The following HMGA2 variants were observed in gnomAD, a reference collection of about 807,000 sequenced individuals.
HMGA2 encodes high mobility group AT-hook 2.
In HMGA2, 8 loss-of-function variants were observed where a neutral mutation model predicts 19.1. The ratio of observed to expected loss-of-function variants is 0.42; its 90% CI spans 0.25 to 0.76. The LOEUF is 0.76. HMGA2 is among the 30% of genes least tolerant of loss of function. The pLI is 0.28. For missense variants in HMGA2, 109 were observed against 136.3 expected, an observed-to-expected ratio of 0.80 and a Z score of 1.00; for synonymous variants, 60 against 48.8, an observed-to-expected ratio of 1.23 and a Z score of -0.96.
At chr12:65,941,737 G>A (rs954843470) in intron 3 of HMGA2, among the ~76,000 whole-genome samples, 14 of 152,284 alleles carry the variant, frequency 9.2e-5, no homozygotes, top group African/African-American at 1.4e-4. Context: ...GGAAATACTT[G>A]ATAGTCAAAT....
intron 3 of HMGA2, among the ~76,000 whole-genome samples, chr12:65,851,100 T>C (rs1871441729): frequency 6.6e-6 from 1 of 152,238 alleles, no homozygotes; most frequent in Admixed American, 6.5e-5. Flanking sequence ...CCTTATCACT[T>C]ACTAACCTTA....
rs1876799852 is a variant in HMGA2, at chr12:65,963,119, C to A, written c.283-126C>A. The A allele has an allele frequency of 1.5e-5, 12 of 820,806 alleles. No individual in the cohort carries two copies. The South Asian group carries it at 1.9e-4, about 13-fold the overall frequency. 50.8% of individuals were successfully genotyped at this position (820,806 alleles called of 1,614,324 possible). A position where few individuals can be genotyped will look rare whatever the true frequency, so the allele number is the denominator to read the frequency against. On this transcript the variant is annotated intron_variant, in intron 4 of 4. Coordinates refer to ENST00000403681, the MANE Select transcript of HMGA2 (RefSeq NM_003483.6). The stretch of plus-strand genomic sequence containing the variant: ...GCCCTGGGAATGAGGGCTCGCCAGT[C>A]ATCGTCATCCTCTTTTGAGGCAAGC...
chr12:65,842,787 G>T, intron 3 of HMGA2: 1 of 1,368,770 alleles, frequency 7.3e-7, no homozygotes, highest in Non-Finnish European at 9.4e-7. Context: ...TTAATTATTT[G>T]CATTTTTCTA....
chr12:65,930,356 G>C (rs917092484), intron 3 of HMGA2, among the ~76,000 whole-genome samples: 12 of 152,118 alleles, frequency 7.9e-5, no homozygotes, highest in Non-Finnish European at 1.3e-4. Context: ...ATTTACAAAA[G>C]ATTGAAAAAT....
At chr12:65,921,778 C>T (rs1875323423) in intron 3 of HMGA2, among the ~76,000 whole-genome samples, 1 of 152,150 alleles carries the variant, frequency 6.6e-6, no homozygotes, top group Non-Finnish European at 1.5e-5. Context: ...CCTGGAGATC[C>T]AGGAGAAAAA....
intron 3 of HMGA2, among the ~76,000 whole-genome samples, chr12:65,917,194 A>AG (rs970058061): frequency 1.3e-5 from 2 of 151,920 alleles, no homozygotes; most frequent in Non-Finnish European, 2.9e-5. Flanking sequence ...GCATGGAGGG[A>AG]GGGGGAGAAG....
intron 3 of HMGA2, among the ~76,000 whole-genome samples, chr12:65,935,954 C>T (rs533651949): frequency 1.3e-5 from 2 of 152,088 alleles, no homozygotes; most frequent in African/African-American, 4.8e-5. Flanking sequence ...GTGCTTAAGG[C>T]ACTGCATTCT....
chr12:65,915,425 G>A, intron 3 of HMGA2: 1 of 1,269,238 alleles, frequency 7.9e-7, no homozygotes, highest in South Asian at 1.6e-5. Context: ...AGTAGAGGGT[G>A]GGCTGAACTC....
intron 3 of HMGA2, among the ~76,000 whole-genome samples, chr12:65,845,357 C>T (rs146918974): frequency 7.8e-4 from 119 of 152,218 alleles, no homozygotes; most frequent in Non-Finnish European, 1.5e-3. Flanking sequence ...CAGTTTCTGC[C>T]TCCCGGGTTC....
At chr12:65,933,699 T>G (rs554759027) in intron 3 of HMGA2, among the ~76,000 whole-genome samples, 1 of 152,194 alleles carries the variant, frequency 6.6e-6, no homozygotes, top group South Asian at 2.1e-4. Context: ...TAAAAGATAG[T>G]GGGAGGTATC....
chr12:65,906,515 A>T (rs1291968959), intron 3 of HMGA2, among the ~76,000 whole-genome samples: 2 of 152,192 alleles, frequency 1.3e-5, no homozygotes, highest in African/African-American at 4.8e-5. Flanking sequence ...AGCTAAGCAC[A>T]AGTGTCTTGC....
intron 3 of HMGA2, among the ~76,000 whole-genome samples, chr12:65,905,014 C>G (rs1874527701): frequency 6.6e-6 from 1 of 151,930 alleles, no homozygotes; most frequent in Non-Finnish European, 1.5e-5. Context: ...TGCACTCCAG[C>G]CTGGACAACA....
chr12:65,902,566 TG>T lies in HMGA2; in HGVS notation c.250-48813del. Among the ~76,000 whole-genome samples, 3 of 152,258 alleles carry T rather than the reference TG, an allele frequency of 2.0e-5. 1 individual carries two copies. In the Middle Eastern group the frequency reaches 0.01, roughly 518 times the overall value. ...TAAATTACTGGACACACACTGAGCCTGGGGAAATGCTTTCATCAAGTGTGAG... is the reference window on the plus strand; with the variant it reads ...TAAATTACTGGACACACACTGAGCCTGGGAAATGCTTTCATCAAGTGTGAG... On this transcript the variant is annotated intron_variant, in intron 3 of 4. Transcript: ENST00000403681.
In HMGA2 at chr12:65,965,953, C is replaced by T. The variant is rs1876895989; in HGVS notation, c.*2661C>T. ...ATAAATTTTATAGGACTGTTCTTTG[C>T]TGTTGTTGGTCGCAGCTACATAAGA... is the stretch of plus-strand genomic sequence containing the variant. On this transcript the variant is annotated 3_prime_UTR_variant, in exon 5 of 5. Transcript: ENST00000403681. The T allele has an allele frequency of 4.6e-6, 1 of 218,846 alleles. No individual in the cohort carries two copies. The highest frequency in any genetic ancestry group is 6.7e-5 in the East Asian group (1 of 14,980). 13.6% of individuals were successfully genotyped at this position (218,846 alleles called of 1,614,324 possible).
At chr12:65,842,610 C>A (rs561924993) in intron 3 of HMGA2, 16 of 1,535,352 alleles carry the variant, frequency 1.0e-5, no homozygotes, top group Admixed American at 3.9e-5. Context: ...TACATTGCAG[C>A]TTAGAAGCCT....
At chr12:65,868,437 A>C (rs1302510344) in intron 3 of HMGA2, among the ~76,000 whole-genome samples, 1 of 151,956 alleles carries the variant, frequency 6.6e-6, no homozygotes, top group Non-Finnish European at 1.5e-5. Flanking sequence ...ATCATCCCGG[A>C]TGCAGTCCAC....
At chr12:65,861,124 T>C (rs555578986) in intron 3 of HMGA2, among the ~76,000 whole-genome samples, 4 of 152,294 alleles carry the variant, frequency 2.6e-5, no homozygotes, top group Non-Finnish European at 5.9e-5. Flanking sequence ...TCCCAGCACT[T>C]TGAGAGGCCA....
At chr12:65,877,411 A>C (rs917126515) in intron 3 of HMGA2, among the ~76,000 whole-genome samples, 2 of 152,112 alleles carry the variant, frequency 1.3e-5, no homozygotes, top group Non-Finnish European at 2.9e-5. Flanking sequence ...GGAGGGGTCA[A>C]GGAGAGAGGT....
rs1870041575 is a variant in HMGA2, at chr12:65,824,733, C to CTCTCTG, written c.-533_-532insGTCTCT. 5.5e-6 allele frequency: 1 copy of CTCTCTG among 181,312 alleles called. No homozygotes were observed. The highest frequency in any genetic ancestry group is 4.0e-5 in the African/African-American group (1 of 24,854). 11.2% of individuals were successfully genotyped at this position (181,312 alleles called of 1,614,324 possible). On this transcript the variant is annotated 5_prime_UTR_variant, in exon 1 of 5. Transcript: ENST00000403681. Reference sequence around the variant, plus strand: ...ATCTCTTCTCTCTCTCTCTCTCTCTCTCTCTCTCTCTCTCTCTCTCTCTCT... The same window carrying CTCTCTG: ...ATCTCTTCTCTCTCTCTCTCTCTCTCTCTCTGTCTCTCTCTCTCTCTCTCTCTCTCT...
Sources: gnomAD v4.1 joint callset for allele counts (sites outside exome capture counted in the v4.1 genomes callset) on GRCh38, gnomAD v4.1.1 for gene constraint, MANE v1.5 for transcripts, NCBI Gene and HGNC (gene_info 2026-07-23, HGNC 2026-07-21) for gene names.